The following MAPDA variants were observed in gnomAD, a reference collection of about 807,000 sequenced individuals.
MAPDA encodes N6-Methyl-AMP deaminase.
At chr15:43,336,686 G>C in the MAPDA span, 2 of 1,539,338 alleles carry the variant, frequency 1.3e-6, no homozygotes, top group Non-Finnish European at 1.7e-6. Flanking sequence ...ATATTCTAAT[G>C]GTAAGACATG....
chr15:43,342,447 A>G, the MAPDA span, among the ~76,000 whole-genome samples: 1 of 128,808 alleles, frequency 7.8e-6, no homozygotes, highest in African/African-American at 2.8e-5. Context: ...TATCCCTTTT[A>G]AAAAAAAAAA....
chr15:43,345,081 A>G, the MAPDA span, among the ~76,000 whole-genome samples: 1 of 152,130 alleles, frequency 6.6e-6, no homozygotes, highest in African/African-American at 2.4e-5. Context: ...AAGGCTGGGC[A>G]TGGTGGTTCA....
At chr15:43,351,090 G>T in the MAPDA span, 6 of 1,487,554 alleles carry the variant, frequency 4.0e-6, no homozygotes, top group South Asian at 7.3e-5. Flanking sequence ...TCCCTGAGTT[G>T]CATTAATTCA....
the MAPDA span, chr15:43,343,177 A>C: frequency 2.6e-6 from 2 of 765,074 alleles, no homozygotes; most frequent in East Asian, 3.0e-5. Flanking sequence ...TTAATCATTC[A>C]TTGATTTATA....
the MAPDA span, among the ~76,000 whole-genome samples, chr15:43,336,134 G>A: frequency 6.6e-6 from 1 of 152,106 alleles, no homozygotes; most frequent in Non-Finnish European, 1.5e-5. Context: ...CTTGACCTCT[G>A]GGGCTCAAGC....
the MAPDA span, chr15:43,349,184 T>C: frequency 2.3e-5 from 34 of 1,456,454 alleles, no homozygotes; most frequent in Non-Finnish European, 1.6e-5. Context: ...GTGTGCTTTC[T>C]GAGCCTTATT....
the MAPDA span, chr15:43,349,023 G>A: frequency 6.2e-7 from 1 of 1,614,180 alleles, no homozygotes; most frequent in African/African-American, 1.3e-5. Flanking sequence ...TGGACTTTGT[G>A]AGGCAACATC....
the MAPDA span, among the ~76,000 whole-genome samples, chr15:43,344,760 C>T: frequency 2.0e-5 from 3 of 148,046 alleles, no homozygotes; most frequent in Middle Eastern, 3.3e-3. Flanking sequence ...GAGCTGAGAT[C>T]GTGCCATTTC....
the MAPDA span, among the ~76,000 whole-genome samples, chr15:43,339,866 T>C: frequency 2.0e-5 from 3 of 152,264 alleles, no homozygotes; most frequent in African/African-American, 7.2e-5. Context: ...CTAATCATTT[T>C]AGCTGTTTAT....
At chr15:43,340,202 G>A in the MAPDA span, 2 of 1,386,478 alleles carry the variant, frequency 1.4e-6, no homozygotes, top group Non-Finnish European at 2.0e-6. Context: ...GTAGCACTTG[G>A]CACATTCATT....
the MAPDA span, chr15:43,330,396 A>G: frequency 6.3e-7 from 1 of 1,582,844 alleles, no homozygotes; most frequent in Admixed American, 2.0e-5. Flanking sequence ...TCCTGCACGT[A>G]CCCGCGCGCG....
At chr15:43,341,591 C>T in the MAPDA span, among the ~76,000 whole-genome samples, 2 of 151,812 alleles carry the variant, frequency 1.3e-5, no homozygotes, top group Non-Finnish European at 2.9e-5. Context: ...GTAATTCCAG[C>T]GCTTTGGGAG....
At chr15:43,347,626 AC>A in the MAPDA span, among the ~76,000 whole-genome samples, 1 of 152,136 alleles carries the variant, frequency 6.6e-6, no homozygotes, top group African/African-American at 2.4e-5. Flanking sequence ...TATGAGGCAA[AC>A]CCCTTTTGAG....
the MAPDA span, among the ~76,000 whole-genome samples, chr15:43,346,778 G>T: frequency 6.6e-6 from 1 of 152,202 alleles, no homozygotes; most frequent in Non-Finnish European, 1.5e-5. Flanking sequence ...CAGCTTAGCT[G>T]ATTGACCTCA....
chr15:43,345,776 CTCTG>C, the MAPDA span: 2 of 1,556,816 alleles, frequency 1.3e-6, no homozygotes, highest in South Asian at 1.1e-5. Flanking sequence ...AGTCTGCCAT[CTCTG>C]TCTGGCTGTA....
the MAPDA span, chr15:43,354,535 A>G: frequency 1.3e-5 from 2 of 152,190 alleles, no homozygotes; most frequent in African/African-American, 4.8e-5. Context: ...TTTAATATCT[A>G]TACAAAAGCT....
chr15:43,346,027 A>G, the MAPDA span: 4 of 1,610,160 alleles, frequency 2.5e-6, no homozygotes, highest in Non-Finnish European at 3.4e-6. Flanking sequence ...AGGTAGAATC[A>G]GTGGGATAAG....
the MAPDA span, among the ~76,000 whole-genome samples, chr15:43,343,420 G>C: frequency 6.6e-6 from 1 of 152,154 alleles, no homozygotes; most frequent in Admixed American, 6.5e-5. Context: ...ACGTGGGCCT[G>C]CTGTCTGTTC....
At chr15:43,337,433 A>G in the MAPDA span, among the ~76,000 whole-genome samples, 1 of 152,212 alleles carries the variant, frequency 6.6e-6, no homozygotes, top group Admixed American at 6.5e-5. Context: ...ATTAATCCCT[A>G]GGGAAATTGT....
Sources: allele counts gnomAD v4.1 joint callset (sites outside exome capture counted in the v4.1 genomes callset), GRCh38; gene constraint gnomAD v4.1.1; transcripts MANE v1.5; gene names NCBI Gene and HGNC (gene_info 2026-07-23, HGNC 2026-07-21).